Variants in FAM107B observed in about 807,000 individuals in gnomAD.
FAM107B encodes the protein family with sequence similarity 107 member B.
In FAM107B, 21 loss-of-function variants were observed where a neutral mutation model predicts 31.5. The ratio of observed to expected loss-of-function variants is 0.67; its 90% CI spans 0.47 to 0.96. The LOEUF (loss-of-function observed/expected upper bound fraction) is 0.96, where lower values mean the gene tolerates loss of function less well. Ranked by LOEUF, FAM107B falls within the 40% of genes least tolerant of loss-of-function variation. FAM107B has a pLI of 0.00. For missense variants in FAM107B, 452 were observed against 377.1 expected (o/e 1.20, Z -1.64); for synonymous variants, 157 against 141.5 (o/e 1.11, Z -0.78).
At position 14,521,131 on chromosome 10, in the gene FAM107B, A is replaced by C. The variant is rs916654725; in HGVS notation, c.*59T>G. 9 of 1,328,444 alleles carry C rather than the reference A, an allele frequency of 6.8e-6. No individual in the cohort carries two copies. The highest frequency in any genetic ancestry group is 9.5e-6 in the Non-Finnish European group (9 of 944,568). 82.3% of individuals were successfully genotyped at this position (1,328,444 alleles called of 1,614,324 possible). A position where few individuals can be genotyped will look rare whatever the true frequency, so the allele number is the denominator to read the frequency against. On this transcript the variant is annotated 3_prime_UTR_variant, in exon 5 of 5. Coordinates refer to ENST00000181796, the MANE Select transcript of FAM107B (RefSeq NM_031453.4). The stretch of plus-strand genomic sequence containing the variant: ...TCCAGGGGCTTTTGCCCTGAGATTG[A>C]GAAGGCACCCACAGACAGCTCTGTG...
Position 14,665,478 on chromosome 10 carries a change from G to T in FAM107B, c.469+2156C>A, listed in dbSNP as rs140827182. On this transcript the variant is annotated intron_variant, in intron 2 of 4. Coordinates refer to ENST00000181796, the MANE Select transcript of FAM107B (RefSeq NM_031453.4). ...TGTGAACAAATGTTCTCAGAACATA[G>T]TGGGCACTATGCCAAGAGAGCAAAT... Among the ~76,000 whole-genome samples, 166 of 152,366 alleles carry T rather than the reference G, an allele frequency of 1.1e-3. 1 individual carries two copies. Among genetic ancestry groups the T allele is most frequent in the Non-Finnish European group, 1.8e-3 (122 of 68,034 alleles).
chr10:14,769,586 A>T (rs1833255265), intron 1 of FAM107B, among the ~76,000 whole-genome samples: 1 of 152,026 alleles, frequency 6.6e-6, no homozygotes, highest in Non-Finnish European at 1.5e-5. Context: ...GGGTTTCACG[A>T]TGTTGGCCAG....
At chr10:14,760,948 G>A (rs1833030430) in intron 1 of FAM107B, among the ~76,000 whole-genome samples, 1 of 145,462 alleles carries the variant, frequency 6.9e-6, no homozygotes, top group South Asian at 2.2e-4. Context: ...GGAGGCGAAG[G>A]TTGCAGTGAG....
intron 1 of FAM107B, among the ~76,000 whole-genome samples, chr10:14,762,754 T>TCACACACACA (rs35574582): frequency 6.9e-5 from 8 of 116,236 alleles, no homozygotes; most frequent in East Asian, 3.2e-4. Context: ...AAACTCTGTC[T>TCACACACACA]CACACACACA....
chr10:14,726,954 C>T (rs1385936460), intron 1 of FAM107B, among the ~76,000 whole-genome samples: 1 of 151,854 alleles, frequency 6.6e-6, no homozygotes, highest in Non-Finnish European at 1.5e-5. Flanking sequence ...ACAGTGGGAA[C>T]CCTGAGCTTG....
intron 1 of FAM107B, among the ~76,000 whole-genome samples, chr10:14,685,031 A>G (rs1027571170): frequency 2.6e-5 from 4 of 151,966 alleles, no homozygotes; most frequent in African/African-American, 9.7e-5. Context: ...GGGTCTCCCT[A>G]TCAATGCCCA....
At chr10:14,526,002 T>A (rs1276972850) in intron 3 of FAM107B, among the ~76,000 whole-genome samples, 6 of 152,284 alleles carry the variant, frequency 3.9e-5, no homozygotes, top group African/African-American at 1.2e-4. Flanking sequence ...CTGAACTCTG[T>A]GTACCTATAT....
chr10:14,774,664 G>A lies in FAM107B; in HGVS notation c.-1C>T. Reference sequence around the variant, plus strand: ...TGAGTCTTGCTTTCCACGTGGACATGACTTGCAGTGAATCATTGCAAAGTT... The same window carrying A: ...TGAGTCTTGCTTTCCACGTGGACATAACTTGCAGTGAATCATTGCAAAGTT... On this transcript the variant is annotated 5_prime_UTR_variant, in exon 1 of 5. Coordinates refer to ENST00000181796, the MANE Select transcript of FAM107B (RefSeq NM_031453.4). 5 of 1,610,028 alleles carry A rather than the reference G, an allele frequency of 3.1e-6. No individual in the cohort carries two copies. Among genetic ancestry groups the A allele is most frequent in the Non-Finnish European group, 4.2e-6 (5 of 1,177,502 alleles).
At chr10:14,625,641 T>C (rs1206864396) in intron 2 of FAM107B, among the ~76,000 whole-genome samples, 2 of 152,144 alleles carry the variant, frequency 1.3e-5, no homozygotes, top group Non-Finnish European at 2.9e-5. Flanking sequence ...AGGATTTATC[T>C]CTTGTTAGAA....
intron 1 of FAM107B, among the ~76,000 whole-genome samples, chr10:14,675,412 T>G (rs1171683874): frequency 1.3e-5 from 2 of 152,150 alleles, no homozygotes; most frequent in African/African-American, 4.8e-5. Flanking sequence ...AGATGCTTAT[T>G]TGGTGCATCT....
chr10:14,714,648 C>T (rs1036382598), intron 1 of FAM107B, among the ~76,000 whole-genome samples: 1 of 152,072 alleles, frequency 6.6e-6, no homozygotes, highest in African/African-American at 2.4e-5. Flanking sequence ...TACATCCAGA[C>T]TCAATCTTAG....
intron 2 of FAM107B, among the ~76,000 whole-genome samples, chr10:14,582,139 C>A (rs1245757518): frequency 6.6e-6 from 1 of 152,116 alleles, no homozygotes; most frequent in African/African-American, 2.4e-5. Context: ...GCCTGTTTGC[C>A]ATGGGTTACC....
chr10:14,605,666 G>C (rs1413341391), intron 2 of FAM107B, among the ~76,000 whole-genome samples: 1 of 152,230 alleles, frequency 6.6e-6, no homozygotes, highest in Non-Finnish European at 1.5e-5. Context: ...ATCCCTGCCA[G>C]AGAACTTAAA....
chr10:14,730,059 G>T (rs1246572709), intron 1 of FAM107B, among the ~76,000 whole-genome samples: 2 of 152,110 alleles, frequency 1.3e-5, no homozygotes, highest in African/African-American at 4.8e-5. Flanking sequence ...GCAAAGGGAG[G>T]GAGAGCATTA....
Position 14,535,236 on chromosome 10 carries a change from A to T in FAM107B, c.470-4721T>A, listed in dbSNP as rs75494534. 4.6e-3 allele frequency among the ~76,000 whole-genome samples: 699 copies of T among 152,310 alleles called. 6 individuals carry two copies. The highest frequency in any genetic ancestry group is 0.016 in the African/African-American group (664 of 41,566). On this transcript the variant is annotated intron_variant, in intron 2 of 4. Transcript: ENST00000181796. Reference sequence around the variant, plus strand: ...CCAGGACCAGCTCAGTGAAGGAGAAATAAAACTGGTTTGAGATCCTGGACA... The same window carrying T: ...CCAGGACCAGCTCAGTGAAGGAGAATTAAAACTGGTTTGAGATCCTGGACA...
intron 1 of FAM107B, among the ~76,000 whole-genome samples, chr10:14,721,632 C>T (rs1219109004): frequency 6.6e-6 from 1 of 152,200 alleles, no homozygotes; most frequent in Non-Finnish European, 1.5e-5. Flanking sequence ...CTATTGGCTG[C>T]ATAAATGTCT....
intron 1 of FAM107B, among the ~76,000 whole-genome samples, chr10:14,704,641 T>TA (rs1451600777): frequency 6.6e-6 from 1 of 152,128 alleles, no homozygotes; most frequent in African/African-American, 2.4e-5. Flanking sequence ...AAAATATTTG[T>TA]AAATAATGGA....
At chr10:14,571,177 C>G (rs1442441821) in intron 2 of FAM107B, among the ~76,000 whole-genome samples, 2 of 152,128 alleles carry the variant, frequency 1.3e-5, no homozygotes, top group Non-Finnish European at 2.9e-5. Flanking sequence ...GCTCTCCTGT[C>G]TCTTCTCCTG....
chr10:14,721,397 T>C (rs1855910050), intron 1 of FAM107B, among the ~76,000 whole-genome samples: 1 of 152,206 alleles, frequency 6.6e-6, no homozygotes, highest in South Asian at 2.1e-4. Context: ...TATTTCTAGT[T>C]CTAGATCCTT....
Sources: gnomAD v4.1 joint callset for allele counts (sites outside exome capture counted in the v4.1 genomes callset) on GRCh38, gnomAD v4.1.1 for gene constraint, MANE v1.5 for transcripts, NCBI Gene and HGNC (gene_info 2026-07-23, HGNC 2026-07-21) for gene names.